GRAMD4: variants seen among roughly 807,000 people sequenced by gnomAD.
The protein encoded by GRAMD4 is GRAM domain containing 4.
A neutral mutation model predicts 83.9 loss-of-function variants in GRAMD4; 25 were observed. The observed-to-expected ratio is 0.30, with a 90% CI of 0.22 to 0.42. The LOEUF is 0.42. Ranked by LOEUF, GRAMD4 falls within the 10% of genes least tolerant of loss-of-function variation. The probability of loss-of-function intolerance (pLI) is 1.00; values close to 1 mark genes in which losing one functional copy is unlikely to be tolerated. For synonymous variants in GRAMD4, 336 were observed against 320.9 expected (o/e 1.05, Z -0.50); for missense variants, 593 against 788.7 (o/e 0.75, Z 2.97).
chr22:46,630,077 T>G (rs536363206), intron 2 of GRAMD4, among the ~76,000 whole-genome samples: 2 of 151,716 alleles, frequency 1.3e-5, no homozygotes, highest in South Asian at 2.1e-4. Context: ...CAGGCTGGAG[T>G]GCAGTGGTGT....
Position 46,668,185 on chromosome 22 carries a change from G to A in GRAMD4, c.930+18G>A, listed in dbSNP as rs375390424. The A allele has an allele frequency of 6.0e-5, 95 of 1,588,728 alleles. 4 individuals are homozygous for A. The South Asian group carries it at 7.7e-4, about 13-fold the overall frequency. On this transcript the variant is annotated intron_variant, in intron 11 of 18. Coordinates refer to ENST00000406902, the MANE Select transcript of GRAMD4 (RefSeq NM_015124.5). ...AAGCCCAGGTACTGCCACGGGCGCC[G>A]GCCAGGGGTGTGTCTGCGCCAGCCA...
At chr22:46,670,511 A>G (rs2147391359) in intron 13 of GRAMD4, among the ~76,000 whole-genome samples, 1 of 152,320 alleles carries the variant, frequency 6.6e-6, no homozygotes, top group East Asian at 1.9e-4. Flanking sequence ...CCAGAGCTGC[A>G]GTGCACTTGC....
In GRAMD4 at chr22:46,642,424, G is replaced by A. The variant is rs2081986457; in HGVS notation, c.283+4464G>A. 2.0e-5 allele frequency among the ~76,000 whole-genome samples: 3 copies of A among 152,354 alleles called. No individual in the cohort carries two copies. In the South Asian group the frequency reaches 6.2e-4, roughly 32 times the overall value. On this transcript the variant is annotated intron_variant, in intron 3 of 18. Coordinates refer to ENST00000406902, the MANE Select transcript of GRAMD4 (RefSeq NM_015124.5). Reference sequence around the variant, plus strand: ...TTGGAATTCACACCAGGACTCCTAAGTGCCTGTGTAACCTCATCAGACTTT... The same window carrying A: ...TTGGAATTCACACCAGGACTCCTAAATGCCTGTGTAACCTCATCAGACTTT...
Position 46,580,430 on chromosome 22 carries a change from A to G in GRAMD4, c.-50+3140A>G, listed in dbSNP as rs552484896. 1.2e-4 allele frequency among the ~76,000 whole-genome samples: 18 copies of G among 152,342 alleles called. No homozygotes were observed. The South Asian group carries it at 3.7e-3, about 32-fold the overall frequency. On this transcript the variant is annotated intron_variant, in intron 1 of 1. Transcript: ENST00000431155. ...TGGTCCTGAAAAATACTGCTTGTAA[A>G]GGAGTAAAAGTTCAAGTCTTCCACC...
rs9626889 is a variant in GRAMD4 at position 46,601,008 on chromosome 22, G to A, written c.-50+23718G>A. Among the ~76,000 whole-genome samples, 1,223 of 152,178 alleles carry A rather than the reference G, an allele frequency of 8.0e-3. 19 individuals are homozygous for A. The highest frequency in any genetic ancestry group is 0.028 in the African/African-American group (1,168 of 41,512). ...AAAATGCAAAAATTAGCCAGACATG[G>A]TGGCAGGTGCCTATAGTCCCAGCTA... On this transcript the variant is annotated intron_variant, in intron 1 of 1. Coordinates refer to the GRAMD4 transcript ENST00000431155.
intron 1 of GRAMD4, among the ~76,000 whole-genome samples, chr22:46,595,395 A>G (rs1033192816): frequency 6.6e-6 from 1 of 152,194 alleles, no homozygotes; most frequent in Non-Finnish European, 1.5e-5. Context: ...CTTTTATGCC[A>G]CAAAGGTCCC....
At position 46,675,528 on chromosome 22, in the gene GRAMD4, A is replaced by C. The variant is rs1461245172; in HGVS notation, c.1539A>C (p.Leu513=). 2 of 1,612,110 alleles carry C rather than the reference A, an allele frequency of 1.2e-6. No homozygotes were observed. Among genetic ancestry groups the C allele is most frequent in the Non-Finnish European group, 1.7e-6 (2 of 1,178,466 alleles). The part of the protein sequence containing the change: ...GSSKRNKVIK[L]VDITDIQKYK... Reference sequence around the variant, plus strand: ...CAAAGAGGAACAAAGTCATCAAGCTAGTGGACATCACGGACATCCAGAAGG... The same window carrying C: ...CAAAGAGGAACAAAGTCATCAAGCTCGTGGACATCACGGACATCCAGAAGG... The change falls in exon 17 of 19, where the codon CTA becomes CTC. Residue 513 remains leucine, a synonymous_variant. Coordinates refer to ENST00000406902, the MANE Select transcript of GRAMD4 (RefSeq NM_015124.5).
At chr22:46,609,624 C>T (rs893827736) in intron 1 of GRAMD4, among the ~76,000 whole-genome samples, 14 of 152,198 alleles carry the variant, frequency 9.2e-5, no homozygotes, top group African/African-American at 3.1e-4. Context: ...GGTGCCAGGC[C>T]GTGTGCTGGG....
upstream of GRAMD4, among the ~76,000 whole-genome samples, chr22:46,619,547 G>C (rs138492): frequency 6.6e-6 from 1 of 151,980 alleles, no homozygotes; most frequent in Non-Finnish European, 1.5e-5. Context: ...GCCCACCTCA[G>C]CCTCTCAAAG....
chr22:46,662,976 G>A lies in GRAMD4; in HGVS notation c.467-64G>A. 5.4e-6 allele frequency: 8 copies of A among 1,494,544 alleles called. No individual in the cohort carries two copies. In the South Asian group the frequency reaches 1.0e-4, roughly 19 times the overall value. 92.6% of individuals were successfully genotyped at this position (1,494,544 alleles called of 1,614,324 possible). A position where few individuals can be genotyped will look rare whatever the true frequency, so the allele number is the denominator to read the frequency against. On this transcript the variant is annotated intron_variant, in intron 5 of 18. Coordinates refer to ENST00000406902, the MANE Select transcript of GRAMD4 (RefSeq NM_015124.5). The stretch of plus-strand genomic sequence containing the variant: ...GGCCCCTCCCTGCCCTGAGATCCCG[G>A]AGCCGACCCCAGAACAGGCAGTGCA...
chr22:46,580,265 G>A (rs2081084554), intron 1 of GRAMD4, among the ~76,000 whole-genome samples: 1 of 152,226 alleles, frequency 6.6e-6, no homozygotes, highest in Non-Finnish European at 1.5e-5. Context: ...TCATCTGCTG[G>A]GCGCCTCCGA....
Position 46,677,382 on chromosome 22 carries a change from G to C in GRAMD4, c.*131G>C. 7.0e-7 allele frequency: 1 copy of C among 1,429,740 alleles called. No individual in the cohort carries two copies. 88.6% of individuals were successfully genotyped at this position (1,429,740 alleles called of 1,614,324 possible). ...TTGCAATAATTCTCCTGGACCTGTG[G>C]TTCTATTGTGTTGACCTCTGCGTTT... is the stretch of plus-strand genomic sequence containing the variant. On this transcript the variant is annotated 3_prime_UTR_variant, in exon 19 of 19. Coordinates refer to ENST00000406902, the MANE Select transcript of GRAMD4 (RefSeq NM_015124.5).
chr22:46,580,474 G>C (rs1298072432), intron 1 of GRAMD4, among the ~76,000 whole-genome samples: 2 of 152,242 alleles, frequency 1.3e-5, no homozygotes, highest in East Asian at 3.8e-4. Flanking sequence ...TGGCTGGGGG[G>C]TCTGAGAGGA....
At chr22:46,663,923 G>C in intron 7 of GRAMD4, 60 bp downstream of exon 7, 1 of 1,593,494 alleles carries the variant, frequency 6.3e-7, no homozygotes, top group Non-Finnish European at 8.6e-7. Context: ...GGCCCATGGC[G>C]GTGGGGACTC....
At chr22:46,681,766 AT>A (rs1555980868), downstream of GRAMD4, among the ~76,000 whole-genome samples, 1 of 152,190 alleles carries the variant, frequency 6.6e-6, no homozygotes, top group Non-Finnish European at 1.5e-5. Context: ...GTTTTTAAAT[AT>A]TTACTGGATG....
At chr22:46,610,406 T>G (rs1255197088) in intron 1 of GRAMD4, among the ~76,000 whole-genome samples, 1 of 152,228 alleles carries the variant, frequency 6.6e-6, no homozygotes, top group African/African-American at 2.4e-5. Flanking sequence ...GCCACCTGTT[T>G]CTGCCTGTTT....
intron 1 of GRAMD4, among the ~76,000 whole-genome samples, chr22:46,625,213 A>C (rs1377106933): frequency 6.6e-6 from 1 of 152,080 alleles, no homozygotes; most frequent in Non-Finnish European, 1.5e-5. Flanking sequence ...TGCCCATCCC[A>C]GGAGAGCCTC....
At chr22:46,608,606 G>A (rs948152009) in intron 1 of GRAMD4, among the ~76,000 whole-genome samples, 1 of 152,158 alleles carries the variant, frequency 6.6e-6, no homozygotes, top group Non-Finnish European at 1.5e-5. Context: ...TTGAACCCAG[G>A]AGGCAGAGGT....
At chr22:46,680,766 C>T (rs1252270422), downstream of GRAMD4, among the ~76,000 whole-genome samples, 13 of 98,130 alleles carry the variant, frequency 1.3e-4, no homozygotes, top group Non-Finnish European at 1.7e-4. Flanking sequence ...ACCCACCCAT[C>T]CATCCATCCA....
Sources: gnomAD v4.1 joint callset for allele counts (sites outside exome capture counted in the v4.1 genomes callset) on GRCh38, gnomAD v4.1.1 for gene constraint, MANE v1.5 for transcripts, NCBI Gene and HGNC (gene_info 2026-07-23, HGNC 2026-07-21) for gene names.